Variants in RBFOX1 observed in about 807,000 individuals in gnomAD.
RBFOX1 encodes RNA binding fox-1 homolog 1, also known as RNA binding protein fox-1 homolog 1.
RBFOX1 carries 8 observed loss-of-function variants against 57.7 expected under a neutral mutation model. The observed-to-expected ratio is 0.14, with a 90% CI of 0.08 to 0.25. The LOEUF (loss-of-function observed/expected upper bound fraction) is 0.25. Ranked by LOEUF, RBFOX1 falls within the 10% of genes least tolerant of loss-of-function variation. RBFOX1 has a pLI of 1.00. For synonymous variants in RBFOX1, 326 were observed against 222.4 expected (o/e 1.47, Z -4.15); for missense variants, 611 against 548.5 (o/e 1.11, Z -1.14).
chr16:6,632,759 G>A (rs975129153), intron 2 of RBFOX1, among the ~76,000 whole-genome samples: 2 of 152,214 alleles, frequency 1.3e-5, no homozygotes, highest in Non-Finnish European at 2.9e-5. Flanking sequence ...CAAGGCCTAT[G>A]ACCTCAAAGA....
chr16:5,851,305 C>G (rs2151864985), intron 3 of RBFOX1, among the ~76,000 whole-genome samples: 1 of 152,316 alleles, frequency 6.6e-6, no homozygotes, highest in East Asian at 1.9e-4. Context: ...GCCCAGTGTG[C>G]AGTGGGTGCT....
chr16:6,854,557 C>G (rs1603632652), intron 3 of RBFOX1, among the ~76,000 whole-genome samples: 2 of 149,222 alleles, frequency 1.3e-5, no homozygotes, highest in African/African-American at 2.5e-5. Flanking sequence ...GAACCTCACG[C>G]ATTACCTCCC....
chr16:6,887,791 T>A (rs2153365346), intron 3 of RBFOX1, among the ~76,000 whole-genome samples: 1 of 152,086 alleles, frequency 6.6e-6, no homozygotes, highest in South Asian at 2.1e-4. Flanking sequence ...GCCTCCTGAG[T>A]AGCTGGGTTT....
intron 4 of RBFOX1, among the ~76,000 whole-genome samples, chr16:6,004,247 C>A (rs1221633341): frequency 6.6e-6 from 1 of 152,188 alleles, no homozygotes; most frequent in African/African-American, 2.4e-5. Flanking sequence ...TACAGCCTGA[C>A]TACCTGGCTT....
chr16:7,219,378 C>T (rs1303350268), intron 4 of RBFOX1, among the ~76,000 whole-genome samples: 1 of 152,184 alleles, frequency 6.6e-6, no homozygotes, highest in East Asian at 1.9e-4. Context: ...TGGGTAAACA[C>T]TGCCAACTCT....
chr16:7,420,875 C>G (rs546049634), intron 4 of RBFOX1, among the ~76,000 whole-genome samples: 1 of 144,586 alleles, frequency 6.9e-6, no homozygotes, highest in South Asian at 2.2e-4. Flanking sequence ...ATCTATATAT[C>G]TTTTAAAATA....
chr16:5,340,167 G>C (rs1224213485), intron 1 of RBFOX1, among the ~76,000 whole-genome samples: 1 of 152,144 alleles, frequency 6.6e-6, no homozygotes, highest in African/African-American at 2.4e-5. Context: ...GCTTAAGGCT[G>C]AATTATGACA....
intron 2 of RBFOX1, among the ~76,000 whole-genome samples, chr16:6,628,418 T>C (rs986485293): frequency 2.6e-5 from 4 of 152,246 alleles, no homozygotes; most frequent in Non-Finnish European, 5.9e-5. Flanking sequence ...TGTATATGTA[T>C]GAGGCTGGTT....
At position 5,810,585 on chromosome 16, in the gene RBFOX1, C is replaced by T. The variant is rs978572608; in HGVS notation, c.319-56718C>T. Among the ~76,000 whole-genome samples, 7 of 152,160 alleles carry T rather than the reference C, an allele frequency of 4.6e-5. No individual in the cohort carries two copies. The South Asian group carries it at 6.2e-4, about 14-fold the overall frequency. ...GGTATATCTGTGACATCATCACCTCCGTAATTTGAGTGACACTCCTGCTGG... is the reference window on the plus strand; with the variant it reads ...GGTATATCTGTGACATCATCACCTCTGTAATTTGAGTGACACTCCTGCTGG... On this transcript the variant is annotated intron_variant, in intron 3 of 19. Transcript: ENST00000641259.
At chr16:6,660,363 A>G (rs2098693401) in intron 3 of RBFOX1, among the ~76,000 whole-genome samples, 1 of 152,092 alleles carries the variant, frequency 6.6e-6, no homozygotes, top group Non-Finnish European at 1.5e-5. Context: ...TATATAACAA[A>G]CCTGCACATC....
At chr16:7,554,098 G>C (rs2087513597) in intron 5 of RBFOX1, among the ~76,000 whole-genome samples, 1 of 152,098 alleles carries the variant, frequency 6.6e-6, no homozygotes, top group African/African-American at 2.4e-5. Flanking sequence ...GAAAGAGCAA[G>C]ATCCTGTCTC....
chr16:6,719,233 A>G (rs2065446544), intron 3 of RBFOX1, among the ~76,000 whole-genome samples: 1 of 152,114 alleles, frequency 6.6e-6, no homozygotes, highest in South Asian at 2.1e-4. Flanking sequence ...CCTTCATAGT[A>G]TTCAATATTA....
chr16:6,112,697 A>C (rs892122798), intron 1 of RBFOX1, among the ~76,000 whole-genome samples: 3 of 152,176 alleles, frequency 2.0e-5, no homozygotes, highest in Non-Finnish European at 4.4e-5. Flanking sequence ...GTCTCAAAAA[A>C]ACACCTGGAG....
intron 4 of RBFOX1, among the ~76,000 whole-genome samples, chr16:7,377,500 A>C (rs1371346821): frequency 7.9e-5 from 12 of 152,240 alleles, no homozygotes; most frequent in Admixed American, 7.9e-4. Flanking sequence ...TGGAAAAAAA[A>C]TACTGTAGTA....
chr16:6,148,969 A>G (rs2096778634), intron 1 of RBFOX1, among the ~76,000 whole-genome samples: 1 of 152,298 alleles, frequency 6.6e-6, no homozygotes, highest in Admixed American at 6.5e-5. Flanking sequence ...TAGAAGAAAA[A>G]AAAGAAAAGG....
chr16:5,720,799 C>T (rs531978421), intron 3 of RBFOX1, among the ~76,000 whole-genome samples: 6 of 152,280 alleles, frequency 3.9e-5, no homozygotes, highest in Non-Finnish European at 8.8e-5. Flanking sequence ...TATATAAGTT[C>T]TTAGGCTAGT....
chr16:6,626,021 A>G (rs554956517), intron 2 of RBFOX1, among the ~76,000 whole-genome samples: 1 of 152,326 alleles, frequency 6.6e-6, no homozygotes, highest in Non-Finnish European at 1.5e-5. Flanking sequence ...TTATAGGAAT[A>G]AAGAAACAGC....
chr16:5,366,460 A>T lies in RBFOX1; in HGVS notation c.220-100756A>T, dbSNP rs2065718588. The stretch of plus-strand genomic sequence containing the variant: ...ATGAAAAGACTCAGAACCATCATCA[A>T]CACCAAGATCAAAAGGGCAAGAATC... On this transcript the variant is annotated intron_variant, in intron 1 of 2. Transcript: ENST00000585867. 32 of 443,946 alleles carry T rather than the reference A, an allele frequency of 7.2e-5. 1 individual carries two copies. The highest frequency in any genetic ancestry group is 5.5e-4 in the South Asian group (31 of 56,076). 27.5% of individuals were successfully genotyped at this position (443,946 alleles called of 1,614,324 possible). A position where few individuals can be genotyped will look rare whatever the true frequency, so the allele number is the denominator to read the frequency against.
intron 4 of RBFOX1, among the ~76,000 whole-genome samples, chr16:7,187,768 C>T (rs887610488): frequency 7.0e-6 from 1 of 143,742 alleles, no homozygotes; most frequent in Non-Finnish European, 1.5e-5. Context: ...AAACAAAAAT[C>T]GCTCTCTGTA....
Sources: gnomAD v4.1 joint callset for allele counts (sites outside exome capture counted in the v4.1 genomes callset) on GRCh38, gnomAD v4.1.1 for gene constraint, MANE v1.5 for transcripts, NCBI Gene and HGNC (gene_info 2026-07-23, HGNC 2026-07-21) for gene names.